PRKAG2: variants seen among roughly 807,000 people sequenced by gnomAD.
The protein encoded by PRKAG2 is 5'-AMP-activated protein kinase subunit gamma-2.
A neutral mutation model predicts 69.6 loss-of-function variants in PRKAG2; 26 were observed. The observed-to-expected ratio is 0.37, with a 90% confidence interval of 0.27 to 0.52. The LOEUF (loss-of-function observed/expected upper bound fraction) is 0.52. PRKAG2 is among the 20% of genes least tolerant of loss of function. PRKAG2 has a pLI of 0.90. For synonymous variants in PRKAG2, 293 were observed against 285.0 expected, an observed-to-expected ratio of 1.03 and a Z score of -0.28; for missense variants, 557 against 740.0, an observed-to-expected ratio of 0.75 and a Z score of 2.87.
chr7:151,873,342 G>A (rs999763423), intron 1 of PRKAG2, among the ~76,000 whole-genome samples: 3 of 152,134 alleles, frequency 2.0e-5, no homozygotes, highest in Non-Finnish European at 2.9e-5. Context: ...CACTGTCATC[G>A]CTCCTTCTGC....
At chr7:151,649,874 C>T (rs1828179931) in intron 4 of PRKAG2, among the ~76,000 whole-genome samples, 1 of 151,986 alleles carries the variant, frequency 6.6e-6, no homozygotes, top group Admixed American at 6.6e-5. Context: ...TATAAATTAC[C>T]CAGTCTCAGG....
intron 3 of PRKAG2, among the ~76,000 whole-genome samples, chr7:151,768,807 T>C (rs2075874330): frequency 6.6e-6 from 1 of 152,242 alleles, no homozygotes; most frequent in Non-Finnish European, 1.5e-5. Flanking sequence ...AAGGCTGCAG[T>C]TGGTGCCAGG....
chr7:151,707,123 T>A lies in PRKAG2; in HGVS notation c.467-31486A>T, dbSNP rs76748714. Among the ~76,000 whole-genome samples the A allele has an allele frequency of 2.6e-5, 4 of 151,980 alleles. No individual in the cohort carries two copies. The South Asian group carries it at 8.3e-4, about 32-fold the overall frequency. ...AGTCCCCAGGACATTTAACACCTGGTCAGAGGACAAGTCCAAGCACCTGGA... is the reference window on the plus strand; with the variant it reads ...AGTCCCCAGGACATTTAACACCTGGACAGAGGACAAGTCCAAGCACCTGGA... On this transcript the variant is annotated intron_variant, in intron 3 of 15. Coordinates refer to ENST00000287878, the MANE Select transcript of PRKAG2 (RefSeq NM_016203.4).
At chr7:151,617,161 C>T (rs1820337775) in intron 5 of PRKAG2, among the ~76,000 whole-genome samples, 1 of 151,064 alleles carries the variant, frequency 6.6e-6, no homozygotes. Context: ...TTTGGGGAGG[C>T]TGAGGTAGGA....
chr7:151,821,062 A>AGCCTCCAACCTCACAGACCT (rs1184141184), intron 1 of PRKAG2, among the ~76,000 whole-genome samples: 1 of 152,202 alleles, frequency 6.6e-6, no homozygotes, highest in African/African-American at 2.4e-5. Flanking sequence ...AGCTGTGGAG[A>AGCCTCCAACCTCACAGACCT]CAGGGAACAA....
At chr7:151,855,315 A>G (rs868378369) in intron 1 of PRKAG2, among the ~76,000 whole-genome samples, 6 of 410 alleles carry the variant, frequency 0.015, no homozygotes, top group Admixed American at 0.036. Flanking sequence ...CACACACACC[A>G]CCCTCCCACA....
chr7:151,712,762 C>T (rs765686748), intron 3 of PRKAG2, among the ~76,000 whole-genome samples: 33 of 152,368 alleles, frequency 2.2e-4, no homozygotes, highest in Non-Finnish European at 3.7e-4. Flanking sequence ...GTGTGGAACA[C>T]ACCACAATCC....
intron 4 of PRKAG2, among the ~76,000 whole-genome samples, chr7:151,671,489 G>A (rs1301013873): frequency 6.6e-6 from 1 of 152,136 alleles, no homozygotes; most frequent in Non-Finnish European, 1.5e-5. Flanking sequence ...AATTATAAAG[G>A]AGCAAATTTC....
At chr7:151,856,466 G>A (rs1341693298) in intron 1 of PRKAG2, among the ~76,000 whole-genome samples, 3 of 152,230 alleles carry the variant, frequency 2.0e-5, no homozygotes, top group Admixed American at 6.5e-5. Flanking sequence ...AGGGGGAGAC[G>A]AAAAGACGTC....
At position 151,699,818 on chromosome 7, in the gene PRKAG2, T is replaced by G. The variant is rs895955891; in HGVS notation, c.467-24181A>C. Among the ~76,000 whole-genome samples the G allele has an allele frequency of 2.0e-5, 3 of 151,970 alleles. No individual in the cohort carries two copies. The highest frequency in any genetic ancestry group is 2.9e-5 in the Non-Finnish European group (2 of 67,998). ...GTGCTCAGGCCCTCAGAGGAGGCAG[T>G]GGGGAGGTTCTTGATATAGGCTGGT... is the stretch of plus-strand genomic sequence containing the variant. On this transcript the variant is annotated intron_variant, in intron 3 of 15. Transcript: ENST00000287878. The surrounding 1 kb of genome is among the most constrained non-coding windows in gnomAD (Gnocchi z 4.5).
intron 15 of PRKAG2, chr7:151,558,077 G>A: frequency 1.0e-6 from 1 of 985,236 alleles, no homozygotes; most frequent in Non-Finnish European, 1.2e-6. Flanking sequence ...ATTAGAGCGT[G>A]TGGCTGAAAC....
chr7:151,607,054 T>C (rs1817701881), intron 5 of PRKAG2, among the ~76,000 whole-genome samples: 1 of 152,190 alleles, frequency 6.6e-6, no homozygotes, highest in South Asian at 2.1e-4. Context: ...ATCTCACTAC[T>C]CTTTAAACAG....
At chr7:151,855,437 GCC>G (rs2079733153) in intron 1 of PRKAG2, among the ~76,000 whole-genome samples, 1 of 17,032 alleles carries the variant, frequency 5.9e-5, no homozygotes, top group African/African-American at 1.9e-4. Context: ...CACACACACC[GCC>G]CTCCACACAC....
chr7:151,611,405 C>A (rs1818831013), intron 5 of PRKAG2, among the ~76,000 whole-genome samples: 1 of 152,198 alleles, frequency 6.6e-6, no homozygotes, highest in African/African-American at 2.4e-5. Context: ...CAGAGGCCGC[C>A]CTGTTCCAGG....
chr7:151,695,136 A>G (rs1194360989), intron 3 of PRKAG2, among the ~76,000 whole-genome samples: 1 of 152,224 alleles, frequency 6.6e-6, no homozygotes, highest in Non-Finnish European at 1.5e-5. Context: ...GCCCAGTGAC[A>G]TAACAGGGGG....
chr7:151,840,343 G>A (rs553090554), intron 1 of PRKAG2, among the ~76,000 whole-genome samples: 1 of 152,184 alleles, frequency 6.6e-6, no homozygotes, highest in African/African-American at 2.4e-5. Flanking sequence ...AGCTGGCCCA[G>A]CAGCCCAGCT....
rs145766014 is a variant in PRKAG2 at position 151,739,249 on chromosome 7, C to T, written c.466+41903G>A. ...ATTAAAGATGTGTAAGTGTGCTCTT[C>T]CTGCCTAGGGGACCTGACCCATCTC... On this transcript the variant is annotated intron_variant, in intron 3 of 15. Transcript: ENST00000287878. Among the ~76,000 whole-genome samples the T allele has an allele frequency of 6.2e-3, 939 of 152,312 alleles. 11 individuals carry two copies. The highest frequency in any genetic ancestry group is 0.022 in the African/African-American group (896 of 41,550).
chr7:151,648,200 C>T (rs1194962832), intron 4 of PRKAG2, among the ~76,000 whole-genome samples: 1 of 152,110 alleles, frequency 6.6e-6, no homozygotes, highest in African/African-American at 2.4e-5. Context: ...AAACTTTGGA[C>T]AGGTGTCATT....
intron 5 of PRKAG2, among the ~76,000 whole-genome samples, chr7:151,621,447 C>T (rs1021797563): frequency 1.3e-5 from 2 of 152,102 alleles, no homozygotes; most frequent in Non-Finnish European, 2.9e-5. Context: ...CTTCGGGAGG[C>T]TGATGTGGAA....
Sources: allele counts gnomAD v4.1 joint callset (sites outside exome capture counted in the v4.1 genomes callset), GRCh38; gene constraint gnomAD v4.1.1; non-coding constraint Gnocchi (gnomAD v3.1); transcripts MANE v1.5; gene names NCBI Gene and HGNC (gene_info 2026-07-23, HGNC 2026-07-21).